The following FER1L6 variants were observed in gnomAD, a reference collection of about 807,000 sequenced individuals.
FER1L6 encodes the protein fer-1-like protein 6.
Under a neutral mutation model 219.2 loss-of-function variants are expected in FER1L6, and 177 were observed. That is an observed-to-expected ratio of 0.81 (90% CI 0.71 to 0.91). FER1L6 has a LOEUF of 0.91. Among genes scored for constraint, FER1L6 ranks in the 40% least tolerant of loss-of-function variants. The pLI is 0.00. For synonymous variants in FER1L6, 768 were observed against 824.3 expected (o/e 0.93, Z 1.17); for missense variants, 2,153 against 2,259.9 (o/e 0.95, Z 0.96).
rs1263008426 is a variant in FER1L6, at chr8:123,879,289, CA to C, written c.-8+27108del. Among the ~76,000 whole-genome samples, 4 of 152,126 alleles carry C rather than the reference CA, an allele frequency of 2.6e-5. No individual in the cohort carries two copies. The East Asian group carries it at 5.8e-4, about 22-fold the overall frequency. On this transcript the variant is annotated intron_variant, in intron 1 of 40. Transcript: ENST00000522917. ...CTGCACTCCAGCTTGGGCAACAAAG[CA>C]AAACCCTTTCTCAAAAAAAGATTCA...
At chr8:123,954,133 G>A (rs981892190) in intron 1 of FER1L6, among the ~76,000 whole-genome samples, 3 of 152,152 alleles carry the variant, frequency 2.0e-5, no homozygotes, top group African/African-American at 7.2e-5. Context: ...ATACACAGGA[G>A]GAAACTGAGG....
intron 1 of FER1L6, among the ~76,000 whole-genome samples, chr8:123,932,059 G>T (rs182982870): frequency 6.6e-6 from 1 of 152,222 alleles, no homozygotes. Flanking sequence ...TTCTATTAGA[G>T]CTGCAGTTTA....
intron 34 of FER1L6, among the ~76,000 whole-genome samples, chr8:124,094,170 G>A (rs1435307793): frequency 6.6e-6 from 1 of 152,088 alleles, no homozygotes; most frequent in African/African-American, 2.4e-5. Flanking sequence ...TGGACATTGT[G>A]CCCATCTCAC....
intron 13 of FER1L6, among the ~76,000 whole-genome samples, chr8:124,003,662 T>C (rs767632042): frequency 2.0e-4 from 30 of 151,778 alleles, no homozygotes; most frequent in Non-Finnish European, 3.7e-4. Flanking sequence ...AGAGATGGAG[T>C]TTCACTGTGT....
intron 1 of FER1L6, among the ~76,000 whole-genome samples, chr8:123,912,068 C>A (rs1813055890): frequency 6.6e-6 from 1 of 152,086 alleles, no homozygotes; most frequent in African/African-American, 2.4e-5. Flanking sequence ...TCTTGTTTAG[C>A]AACTTCTGGC....
intron 12 of FER1L6, among the ~76,000 whole-genome samples, chr8:123,995,900 T>C (rs1290668345): frequency 1.3e-5 from 2 of 152,188 alleles, no homozygotes; most frequent in Middle Eastern, 3.2e-3. Context: ...TAAATTTCCT[T>C]CTTAATTTCT....
intron 1 of FER1L6, among the ~76,000 whole-genome samples, chr8:123,903,248 G>A (rs1039134798): frequency 1.9e-4 from 29 of 152,078 alleles, no homozygotes; most frequent in African/African-American, 6.5e-4. Context: ...CATCATTCTA[G>A]TATATCGACT....
chr8:123,981,032 C>G (rs756129301), intron 11 of FER1L6, among the ~76,000 whole-genome samples: 13 of 152,174 alleles, frequency 8.5e-5, no homozygotes, highest in Non-Finnish European at 1.6e-4. Context: ...CCCACTCCCC[C>G]AAATACAATT....
Position 123,986,110 on chromosome 8 carries a change from T to A in FER1L6, c.1453T>A (p.Phe485Ile). The A allele has an allele frequency of 6.2e-7, 1 of 1,613,156 alleles. No individual in the cohort carries two copies. Among genetic ancestry groups the A allele is most frequent in the Non-Finnish European group, 8.5e-7 (1 of 1,179,140 alleles). The part of the protein sequence containing the change: ...KNEEFLLFGA[F>I]FEATMIDRKI... ...TGAGGAATTTTTACTCTTTGGAGCATTTTTTGAAGCTACCATGATTGACCG... is the reference window on the plus strand; with the variant it reads ...TGAGGAATTTTTACTCTTTGGAGCAATTTTTGAAGCTACCATGATTGACCG... Residue 485 changes from phenylalanine to isoleucine, a missense_variant, in exon 12 of 41, where the codon TTT (phenylalanine) becomes ATT (isoleucine). Phe to Ile is a conservative substitution (Grantham distance 21, BLOSUM62 0). Transcript: ENST00000522917.
At chr8:123,908,309 T>C (rs1430013190) in intron 1 of FER1L6, among the ~76,000 whole-genome samples, 1 of 152,238 alleles carries the variant, frequency 6.6e-6, no homozygotes, top group East Asian at 1.9e-4. Flanking sequence ...GGTATTTCTC[T>C]CTCTTCTCTT....
At chr8:123,968,432 TC>T (rs1431729786) in intron 5 of FER1L6, among the ~76,000 whole-genome samples, 1 of 152,086 alleles carries the variant, frequency 6.6e-6, no homozygotes, top group Non-Finnish European at 1.5e-5. Flanking sequence ...GGGGAATATT[TC>T]CCAGCTAGAA....
rs1295667365 is a variant in FER1L6, at chr8:124,119,039, G to A, written c.5390+95G>A. The A allele has an allele frequency of 9.7e-6, 10 of 1,028,688 alleles. No individual in the cohort carries two copies. The East Asian group carries it at 2.3e-4, about 23-fold the overall frequency. 63.7% of individuals were successfully genotyped at this position (1,028,688 alleles called of 1,614,324 possible). A position where few individuals can be genotyped will look rare whatever the true frequency, so the allele number is the denominator to read the frequency against. On this transcript the variant is annotated intron_variant, in intron 40 of 40. Coordinates refer to ENST00000522917, the MANE Select transcript of FER1L6 (RefSeq NM_001039112.2). ...AATGGCATTTCTTTAGAGCAGCCCT[G>A]TGGGAGAACTGGGAAGCCAGGAGGC...
chr8:124,024,456 T>C (rs1305977690), intron 18 of FER1L6, among the ~76,000 whole-genome samples: 2 of 152,096 alleles, frequency 1.3e-5, no homozygotes, highest in Non-Finnish European at 2.9e-5. Flanking sequence ...ATACAGTATT[T>C]GGTTTTCCAT....
At chr8:123,910,006 T>C (rs1342789204) in intron 1 of FER1L6, among the ~76,000 whole-genome samples, 1 of 152,186 alleles carries the variant, frequency 6.6e-6, no homozygotes, top group East Asian at 1.9e-4. Flanking sequence ...AGTAGCAGCA[T>C]CTGGAGAGAA....
At chr8:123,960,231 C>A in intron 2 of FER1L6, among the ~76,000 whole-genome samples, 1 of 152,148 alleles carries the variant, frequency 6.6e-6, no homozygotes. Flanking sequence ...GGATTCAGGT[C>A]TTTGAGCTAC....
Position 123,906,203 on chromosome 8 carries a change from C to T in FER1L6, c.-7-49789C>T, listed in dbSNP as rs113778883. On this transcript the variant is annotated intron_variant, in intron 1 of 40. Coordinates refer to ENST00000522917, the MANE Select transcript of FER1L6 (RefSeq NM_001039112.2). Reference sequence around the variant, plus strand: ...TTCTTTGCATAACAAACTTCAGATTCAAAGCCTTGGTTGAATCTTGGCCAA... The same window carrying T: ...TTCTTTGCATAACAAACTTCAGATTTAAAGCCTTGGTTGAATCTTGGCCAA... 6.3e-3 allele frequency among the ~76,000 whole-genome samples: 955 copies of T among 152,298 alleles called. 3 individuals carry two copies. Among genetic ancestry groups the T allele is most frequent in the Middle Eastern group, 0.017 (5 of 294 alleles).
At position 124,112,594 on chromosome 8, in the gene FER1L6, G is replaced by C. The variant is rs147193578; in HGVS notation, c.5290-6250G>C. The stretch of plus-strand genomic sequence containing the variant: ...TATTTTACAAGTTAATCCCACAAAT[G>C]GACAGGCAGCCAAGGTAAATTCTAT... On this transcript the variant is annotated intron_variant, in intron 39 of 40. Transcript: ENST00000522917. 6.4e-3 allele frequency among the ~76,000 whole-genome samples: 981 copies of C among 152,158 alleles called. 7 individuals carry two copies. The highest frequency in any genetic ancestry group is 0.018 in the African/African-American group (753 of 41,544).
intron 21 of FER1L6, chr8:124,046,664 G>A (rs1407070353): frequency 6.6e-6 from 1 of 152,124 alleles, no homozygotes; most frequent in Admixed American, 6.6e-5. Flanking sequence ...CCACCTCCTC[G>A]CAGTACTCCT....
chr8:124,049,230 TAG>T (rs974793712), intron 21 of FER1L6, among the ~76,000 whole-genome samples: 2 of 152,184 alleles, frequency 1.3e-5, no homozygotes, highest in Admixed American at 6.5e-5. Flanking sequence ...GTATTTTTAG[TAG>T]AGACAGGGTT....
Sources: gnomAD v4.1 joint callset for allele counts (sites outside exome capture counted in the v4.1 genomes callset) on GRCh38, gnomAD v4.1.1 for gene constraint, MANE v1.5 for transcripts, NCBI Gene and HGNC (gene_info 2026-07-23, HGNC 2026-07-21) for gene names.